MYOF: variants seen among roughly 807,000 people sequenced by gnomAD.
MYOF encodes the protein myoferlin.
In MYOF, 244 loss-of-function variants were observed where a neutral mutation model predicts 284.2. The ratio of observed to expected loss-of-function variants is 0.86; its 90% CI spans 0.77 to 0.95. MYOF has a LOEUF of 0.95. Among genes scored for constraint, MYOF ranks in the 40% least tolerant of loss-of-function variants. MYOF has a pLI of 0.00. For synonymous variants in MYOF, 904 were observed against 919.7 expected (o/e 0.98, Z 0.31); for missense variants, 2,496 against 2,560.6 (o/e 0.97, Z 0.54).
chr10:93,320,492 C>CT (rs1366199634), intron 48 of MYOF, among the ~76,000 whole-genome samples: 1 of 152,116 alleles, frequency 6.6e-6, no homozygotes. Flanking sequence ...TTACAGCTTC[C>CT]TTTTTATAAA....
At chr10:93,463,475 T>A (rs79116198) in intron 1 of MYOF, among the ~76,000 whole-genome samples, 1 of 144,624 alleles carries the variant, frequency 6.9e-6, no homozygotes, top group South Asian at 2.3e-4. Context: ...TCTTGGCTCA[T>A]TGCAACATCC....
At chr10:93,445,958 C>G (rs1022916981) in intron 3 of MYOF, among the ~76,000 whole-genome samples, 1 of 152,042 alleles carries the variant, frequency 6.6e-6, no homozygotes, top group Non-Finnish European at 1.5e-5. Flanking sequence ...AAAATCTGGG[C>G]CCAAAATACA....
chr10:93,421,976 A>C (rs1374374682), intron 5 of MYOF, among the ~76,000 whole-genome samples: 1 of 151,758 alleles, frequency 6.6e-6, no homozygotes, highest in Non-Finnish European at 1.5e-5. Context: ...TCTCTTAGCC[A>C]GATTAGGAAG....
In MYOF at chr10:93,389,101, G is replaced by T. The variant is rs1041029636; in HGVS notation, c.1510C>A (p.Leu504Met). The change falls in exon 18 of 54, where the codon CTG becomes ATG. Residue 504 changes from leucine (L) to methionine (M), a missense_variant. Leu to Met is a conservative substitution (Grantham distance 15, BLOSUM62 2). Transcript: ENST00000359263. Reference protein sequence around the residue: ...GFVPTFGPCYLNLYGSPREYT... With the variant: ...GFVPTFGPCYMNLYGSPREYT... ...TCTCTGGGGCTTCCATAAAGATTCAGGTAACAAGGTCCAAACGTTGGAACA... is the reference window on the plus strand; with the variant it reads ...TCTCTGGGGCTTCCATAAAGATTCATGTAACAAGGTCCAAACGTTGGAACA... 1.2e-6 allele frequency: 2 copies of T among 1,614,138 alleles called. No individual in the cohort carries two copies. The highest frequency in any genetic ancestry group is 8.5e-7 in the Non-Finnish European group (1 of 1,180,006).
intron 5 of MYOF, among the ~76,000 whole-genome samples, chr10:93,425,326 G>T (rs1848536312): frequency 6.6e-6 from 1 of 152,080 alleles, no homozygotes; most frequent in African/African-American, 2.4e-5. Context: ...ACTGTGCCTT[G>T]GTCATGCATC....
Position 93,328,553 on chromosome 10 carries a change from A to C in MYOF, c.5131+210T>G, listed in dbSNP as rs185984958. 9.8e-5 allele frequency among the ~76,000 whole-genome samples: 15 copies of C among 152,380 alleles called. No homozygotes were observed. The East Asian group carries it at 2.9e-3, about 29-fold the overall frequency. On this transcript the variant is annotated intron_variant, in intron 45 of 53. Transcript: ENST00000359263. ...AAGCTCTAATGGCTATAATCTAAAA[A>C]GGGCAAGTGAAACAGCAGACAAGAA...
At chr10:93,360,601 C>T (rs1213858496) in intron 28 of MYOF, among the ~76,000 whole-genome samples, 1 of 152,236 alleles carries the variant, frequency 6.6e-6, no homozygotes, top group Non-Finnish European at 1.5e-5. Flanking sequence ...CAGTTCTATG[C>T]ACCATGCATA....
At chr10:93,324,774 ATTTC>A (rs1340907918) in intron 46 of MYOF, among the ~76,000 whole-genome samples, 3 of 151,210 alleles carry the variant, frequency 2.0e-5, no homozygotes, top group Non-Finnish European at 2.9e-5. Flanking sequence ...TTAGATTAAT[ATTTC>A]TTTTTTTCTT....
chr10:93,378,693 G>GTGTGTGTGTGTGTATATATATATATA, intron 21 of MYOF, among the ~76,000 whole-genome samples: 4 of 87,894 alleles, frequency 4.6e-5, no homozygotes, highest in South Asian at 5.6e-4. Context: ...GTGTGTGTGT[G>GTGTGTGTGTGTGTATATATATATATA]TATATATATA....
intron 29 of MYOF, 61 bp from the exon 30 acceptor site, chr10:93,356,909 T>G: frequency 6.8e-7 from 1 of 1,476,074 alleles, no homozygotes; most frequent in Non-Finnish European, 9.2e-7. Context: ...CTTATTTTGA[T>G]AAAACAGGTT....
At chr10:93,343,180 A>G (rs1246357649) in intron 38 of MYOF, among the ~76,000 whole-genome samples, 1 of 152,130 alleles carries the variant, frequency 6.6e-6, no homozygotes, top group Non-Finnish European at 1.5e-5. Context: ...ACAGGGAGAT[A>G]TTTGGTGTTT....
chr10:93,409,744 A>T lies in MYOF; in HGVS notation c.434-5T>A, dbSNP rs775689001. On this transcript the variant is annotated splice_region_variant and splice_polypyrimidine_tract_variant and intron_variant, in intron 5 of 53. Coordinates refer to ENST00000359263, the MANE Select transcript of MYOF (RefSeq NM_013451.4). ...CTTCATCTTCTTCCCCATCTCCTAA[A>T]ATATCAGAAAGAAACCCAGTGAGGG... is the stretch of plus-strand genomic sequence containing the variant. The T allele has an allele frequency of 3.7e-6, 6 of 1,613,976 alleles. 1 individual carries two copies. In the South Asian group the frequency reaches 6.6e-5, roughly 18 times the overall value.
intron 3 of MYOF, among the ~76,000 whole-genome samples, chr10:93,441,958 C>T (rs2056275028): frequency 6.6e-6 from 1 of 151,062 alleles, no homozygotes; most frequent in Non-Finnish European, 1.5e-5. Context: ...CCCGAACAAC[C>T]TCTCACTTTC....
intron 1 of MYOF, among the ~76,000 whole-genome samples, chr10:93,468,492 T>C (rs1880261): frequency 0.95 from 145,190 of 152,350 alleles, 69,581 homozygotes; most frequent in East Asian, 1. Flanking sequence ...CAGTCCTCTG[T>C]CCTTCCTCGC....
At chr10:93,391,047 TCTC>T (rs1315700500) in intron 17 of MYOF, among the ~76,000 whole-genome samples, 2 of 152,144 alleles carry the variant, frequency 1.3e-5, no homozygotes, top group South Asian at 2.1e-4. Flanking sequence ...TAACCTCACT[TCTC>T]CTCCACCTGG....
At chr10:93,334,974 T>C (rs1843528736) in intron 41 of MYOF, among the ~76,000 whole-genome samples, 3 of 152,312 alleles carry the variant, frequency 2.0e-5, no homozygotes, top group African/African-American at 7.2e-5. Flanking sequence ...CTGCCATGAC[T>C]TTGCCAAGCG....
chr10:93,415,858 AAAAAAC>A (rs1848099108), intron 5 of MYOF, among the ~76,000 whole-genome samples: 1 of 152,202 alleles, frequency 6.6e-6, no homozygotes, highest in Non-Finnish European at 1.5e-5. Context: ...CCAGAATATT[AAAAAAC>A]AAAACTTTCA....
intron 1 of MYOF, among the ~76,000 whole-genome samples, chr10:93,459,547 A>T (rs988562114): frequency 6.6e-6 from 1 of 152,138 alleles, no homozygotes; most frequent in African/African-American, 2.4e-5. Flanking sequence ...TTTGAACTAC[A>T]TCCCTCTGGC....
Position 93,313,014 on chromosome 10 carries a change from T to C in MYOF, c.5889+6A>G. On this transcript the variant is annotated splice_donor_region_variant and intron_variant, in intron 51 of 53. Coordinates refer to ENST00000359263, the MANE Select transcript of MYOF (RefSeq NM_013451.4). ...ATTTTCAACCAGAACCAGGAAATGT[T>C]CATACAGCCATTACGCGGGCGCCAT... 6.2e-7 allele frequency: 1 copy of C among 1,600,758 alleles called. No homozygotes were observed. Among genetic ancestry groups the C allele is most frequent in the South Asian group, 1.1e-5 (1 of 88,572 alleles).
Sources: gnomAD v4.1 joint callset for allele counts (sites outside exome capture counted in the v4.1 genomes callset) on GRCh38, gnomAD v4.1.1 for gene constraint, MANE v1.5 for transcripts, NCBI Gene and HGNC (gene_info 2026-07-23, HGNC 2026-07-21) for gene names.